The following NDE1 variants were observed in gnomAD, a reference collection of about 807,000 sequenced individuals.
NDE1 encodes the protein nudE neurodevelopment protein 1.
NDE1 carries 28 observed loss-of-function variants against 43.4 expected under a neutral mutation model. The observed-to-expected ratio is 0.65, with a 90% CI of 0.48 to 0.89. NDE1 has a LOEUF of 0.89. Ranked by LOEUF, NDE1 falls within the 40% of genes least tolerant of loss-of-function variation. The probability of loss-of-function intolerance (pLI) is 0.00; values close to 1 mark genes in which losing one functional copy is unlikely to be tolerated. For synonymous variants in NDE1, 184 were observed against 172.0 expected, an observed-to-expected ratio of 1.07 and a Z score of -0.55; for missense variants, 441 against 434.1, an observed-to-expected ratio of 1.02 and a Z score of -0.14.
chr16:15,662,243 C>T (rs1219207852), intron 1 of NDE1, among the ~76,000 whole-genome samples: 7 of 146,930 alleles, frequency 4.8e-5, no homozygotes, highest in African/African-American at 1.5e-4. Context: ...CTGGCCTATT[C>T]TCACTTTCTA....
intron 8 of NDE1, among the ~76,000 whole-genome samples, chr16:15,710,731 T>C (rs1215710686): frequency 2.6e-5 from 4 of 151,734 alleles, no homozygotes; most frequent in African/African-American, 7.3e-5. Flanking sequence ...GGCTGGAGTA[T>C]AGAGGCTTGA....
At chr16:15,685,788 G>A (rs2038407109) in intron 4 of NDE1, among the ~76,000 whole-genome samples, 1 of 152,128 alleles carries the variant, frequency 6.6e-6, no homozygotes, top group Non-Finnish European at 1.5e-5. Flanking sequence ...GGAGCTGGGT[G>A]TTAACTCCTG....
At chr16:15,662,217 G>A (rs961545210) in intron 1 of NDE1, among the ~76,000 whole-genome samples, 19 of 151,492 alleles carry the variant, frequency 1.3e-4, no homozygotes, top group Middle Eastern at 3.4e-3. Context: ...GGGATTATAC[G>A]TGTGAGCCAC....
At chr16:15,694,614 C>G in intron 7 of NDE1, 4 of 984,904 alleles carry the variant, frequency 4.1e-6, no homozygotes, top group Non-Finnish European at 4.8e-6. Context: ...TCCCAAAGTT[C>G]TGGGATTACA....
chr16:15,675,162 G>A (rs138069776), intron 3 of NDE1, among the ~76,000 whole-genome samples: 1 of 152,024 alleles, frequency 6.6e-6, no homozygotes, highest in Non-Finnish European at 1.5e-5. Context: ...GGACATAATT[G>A]AAACAGTTAT....
intron 1 of NDE1, among the ~76,000 whole-genome samples, chr16:15,657,339 A>G (rs1317884205): frequency 6.6e-6 from 1 of 151,214 alleles, no homozygotes; most frequent in African/African-American, 2.4e-5. Context: ...CCTCAGGTGA[A>G]CCACCCGCCT....
intron 8 of NDE1, chr16:15,699,721 G>C (rs749673823): frequency 1.5e-6 from 2 of 1,349,662 alleles, no homozygotes; most frequent in African/African-American, 3.0e-5. Flanking sequence ...GGTTTGCTCT[G>C]TCTGAAGGTT....
chr16:15,717,127 C>T (rs2040195537), intron 8 of NDE1: 2 of 1,614,162 alleles, frequency 1.2e-6, no homozygotes, highest in South Asian at 1.1e-5. Flanking sequence ...TTCGGAACTC[C>T]ACACCCGCAT....
At chr16:15,678,722 A>G (rs529651502) in intron 4 of NDE1, among the ~76,000 whole-genome samples, 1 of 152,308 alleles carries the variant, frequency 6.6e-6, no homozygotes, top group East Asian at 1.9e-4. Context: ...TCAGCCAAGC[A>G]GTTTTTTTGG....
chr16:15,720,290 A>G, intron 8 of NDE1: 2 of 1,614,078 alleles, frequency 1.2e-6, no homozygotes, highest in Non-Finnish European at 1.7e-6. Context: ...CTCGTCTTCC[A>G]GTTCCGTCTC....
chr16:15,657,681 G>A (rs1470427654), intron 1 of NDE1, among the ~76,000 whole-genome samples: 1 of 152,126 alleles, frequency 6.6e-6, no homozygotes, highest in South Asian at 2.1e-4. Flanking sequence ...TGCAGCCTCC[G>A]CTTCTCAGGC....
intron 8 of NDE1, among the ~76,000 whole-genome samples, chr16:15,709,347 G>A (rs889528691): frequency 1.3e-5 from 2 of 151,686 alleles, no homozygotes; most frequent in Non-Finnish European, 2.9e-5. Context: ...TTGATACTCT[G>A]TCACCCAGGA....
At chr16:15,655,667 G>T (rs1411827050) in intron 1 of NDE1, among the ~76,000 whole-genome samples, 1 of 152,012 alleles carries the variant, frequency 6.6e-6, no homozygotes, top group Non-Finnish European at 1.5e-5. Flanking sequence ...CTTCTATAAA[G>T]ACACATGCAC....
Position 15,666,051 on chromosome 16 carries a change from C to T in NDE1, c.83+1190C>T, listed in dbSNP as rs149219227. ...GATTACAGGCGTGAGCCACCACGCC[C>T]GGTGTCCATCTTATTTTCTAGAAGG... On this transcript the variant is annotated intron_variant, in intron 2 of 8. Coordinates refer to ENST00000396354, the MANE Select transcript of NDE1 (RefSeq NM_017668.3). Among the ~76,000 whole-genome samples, 1,048 of 152,080 alleles carry T rather than the reference C, an allele frequency of 6.9e-3. 11 individuals are homozygous for T. Among genetic ancestry groups the T allele is most frequent in the African/African-American group, 0.024 (1,014 of 41,508 alleles).
intron 1 of NDE1, among the ~76,000 whole-genome samples, chr16:15,657,088 C>T (rs904594272): frequency 1.3e-5 from 2 of 151,926 alleles, no homozygotes; most frequent in Non-Finnish European, 2.9e-5. Context: ...ATAGTATCAC[C>T]AATGTCTTTT....
intron 8 of NDE1, among the ~76,000 whole-genome samples, chr16:15,722,849 T>A (rs2040557334): frequency 6.6e-6 from 1 of 152,194 alleles, no homozygotes; most frequent in South Asian, 2.1e-4. Flanking sequence ...GTTCAAGCGA[T>A]TCTCCTGCCT....
chr16:15,703,441 G>A (rs1016072799), intron 8 of NDE1: 4 of 239,342 alleles, frequency 1.7e-5, no homozygotes, highest in East Asian at 5.9e-5. Context: ...GCCAGGGACC[G>A]GTTACCGTGG....
At chr16:15,655,600 A>G (rs886944950) in intron 1 of NDE1, among the ~76,000 whole-genome samples, 1 of 152,174 alleles carries the variant, frequency 6.6e-6, no homozygotes, top group Non-Finnish European at 1.5e-5. Flanking sequence ...AACTGGAAAT[A>G]CCATTTGACC....
At chr16:15,696,362 C>T (rs948863882) in intron 7 of NDE1, among the ~76,000 whole-genome samples, 1 of 147,294 alleles carries the variant, frequency 6.8e-6, no homozygotes, top group Non-Finnish European at 1.5e-5. Context: ...GGTGACACAG[C>T]GTCTAAAAAA....
Sources: allele counts gnomAD v4.1 joint callset (sites outside exome capture counted in the v4.1 genomes callset), GRCh38; gene constraint gnomAD v4.1.1; transcripts MANE v1.5; gene names NCBI Gene and HGNC (gene_info 2026-07-23, HGNC 2026-07-21).